RAB11FIP1: variants seen among roughly 807,000 people sequenced by gnomAD.
The protein encoded by RAB11FIP1 is RAB11 family interacting protein 1.
Under a neutral mutation model 83.1 loss-of-function variants are expected in RAB11FIP1, and 49 were observed. The observed-to-expected ratio is 0.59, with a 90% CI of 0.47 to 0.75. The LOEUF (loss-of-function observed/expected upper bound fraction) is 0.75, where lower values mean the gene tolerates loss of function less well. Among genes scored for constraint, RAB11FIP1 ranks in the 30% least tolerant of loss-of-function variants. The pLI, the probability that RAB11FIP1 is intolerant of heterozygous loss-of-function variation, is 0.00. For missense variants in RAB11FIP1, 1,536 were observed against 1,598.7 expected, an observed-to-expected ratio of 0.96 and a Z score of 0.67; for synonymous variants, 670 against 656.0, an observed-to-expected ratio of 1.02 and a Z score of -0.33.
chr8:37,876,302 A>C (rs944250970), intron 2 of RAB11FIP1, among the ~76,000 whole-genome samples: 5 of 151,926 alleles, frequency 3.3e-5, no homozygotes, highest in African/African-American at 1.2e-4. Flanking sequence ...AGAAATAGAG[A>C]GGGCATCTCA....
At chr8:37,879,364 C>A (rs1186618846) in intron 1 of RAB11FIP1, among the ~76,000 whole-genome samples, 1 of 151,892 alleles carries the variant, frequency 6.6e-6, no homozygotes, top group Admixed American at 6.6e-5. Context: ...AAATGACAAA[C>A]ACTATATGAG....
In RAB11FIP1 at chr8:37,873,114, G is replaced by C; in HGVS notation, c.1688C>G (p.Ser563Cys). The change falls in exon 4 of 6, where the codon TCT (serine) becomes TGT (cysteine). Residue 563 changes from serine to cysteine, a missense_variant. Physicochemically the swap from Ser to Cys is moderately radical, Grantham distance 112 (BLOSUM62 -1). Transcript: ENST00000330843. ...RLPSPTDSPSSLPPLPSSSGQ... is the reference protein window; with the variant it reads ...RLPSPTDSPSCLPPLPSSSGQ... ...AGAGCTAGAAGGAAGAGGAGGAAGA[G>C]AGGAAGGGGAGTCAGTAGGGGAAGG... 8 of 1,612,900 alleles carry C rather than the reference G, an allele frequency of 5.0e-6. No homozygotes were observed. Among genetic ancestry groups the C allele is most frequent in the Non-Finnish European group, 6.8e-6 (8 of 1,179,764 alleles).
chr8:37,877,785 T>A, intron 1 of RAB11FIP1: 1 of 386,872 alleles, frequency 2.6e-6, no homozygotes, highest in East Asian at 4.9e-5. Context: ...AATGCCACCA[T>A]CTCGGCTCAC....
chr8:37,880,249 G>A (rs927169917), intron 1 of RAB11FIP1, among the ~76,000 whole-genome samples: 1 of 152,022 alleles, frequency 6.6e-6, no homozygotes, highest in African/African-American at 2.4e-5. Flanking sequence ...GTTGGATCCA[G>A]GAGTTTGAGA....
chr8:37,862,907 T>C lies in RAB11FIP1; in HGVS notation c.3840A>G (p.Ala1280=). The C allele has an allele frequency of 6.2e-7, 1 of 1,610,320 alleles. No homozygotes were observed. Among genetic ancestry groups the C allele is most frequent in the Non-Finnish European group, 8.5e-7 (1 of 1,177,324 alleles). Reference sequence around the variant, plus strand: ...TTTTTCTGCTGATTTACATCTTTCCTGCTTTTTTGCCAACCTGAGTCGGGA... The same window carrying C: ...TTTTTCTGCTGATTTACATCTTTCCCGCTTTTTTGCCAACCTGAGTCGGGA... ...LRIPTQVGKK[A]GKM is the part of the protein sequence containing the mutation. The change falls in exon 6 of 6, where the codon GCA becomes GCG. Residue 1280 remains alanine, a synonymous_variant. Transcript: ENST00000330843.
At chr8:37,882,857 G>A (rs572955663) in intron 1 of RAB11FIP1, among the ~76,000 whole-genome samples, 7 of 152,170 alleles carry the variant, frequency 4.6e-5, no homozygotes, top group East Asian at 1.9e-4. Flanking sequence ...ATCCTCCCTC[G>A]GGACCAATTA....
At chr8:37,894,723 C>CATATATATATATATATAT (rs140765783) in intron 1 of RAB11FIP1, among the ~76,000 whole-genome samples, 6 of 142,044 alleles carry the variant, frequency 4.2e-5, no homozygotes, top group African/African-American at 1.6e-4. Flanking sequence ...TATATATATA[C>CATATATATATATATATAT]ATATATATAT....
intron 2 of RAB11FIP1, 22 bp downstream of exon 2, chr8:37,877,087 G>C: frequency 6.4e-7 from 1 of 1,562,254 alleles, no homozygotes; most frequent in Non-Finnish European, 8.8e-7. Context: ...GAGAGGTCAA[G>C]CAGGAAGAGG....
rs1371073992 is a variant in RAB11FIP1 at position 37,899,196 on chromosome 8, G to A, written c.246C>T (p.Pro82=). ...TGAGCTGCAGGGTGGCGGCGGCCGC[G>A]GGTCCGGAGGACAGCAGCGATGGCA... ...FELPSLLSSG[P]AAAATLQLTV... is the part of the protein sequence containing the mutation. The change falls in exon 1 of 6, where the codon CCC becomes CCT. Residue 82 remains proline (P), a synonymous_variant. Coordinates refer to ENST00000330843, the MANE Select transcript of RAB11FIP1 (RefSeq NM_001002814.3). The surrounding 1 kb of genome is among the most constrained non-coding windows in gnomAD (Gnocchi z 4.5). 1.3e-6 allele frequency: 2 copies of A among 1,567,882 alleles called. No homozygotes were observed. Among genetic ancestry groups the A allele is most frequent in the South Asian group, 1.1e-5 (1 of 87,206 alleles).
chr8:37,861,896 G>T lies in RAB11FIP1; in HGVS notation c.*999C>A, dbSNP rs1806244113. 4 of 234,628 alleles carry T rather than the reference G, an allele frequency of 1.7e-5. No homozygotes were observed. The highest frequency in any genetic ancestry group is 3.4e-5 in the Non-Finnish European group (4 of 116,408). The allele number at this position is 234,628 out of a possible 1,614,324, so 14.5% of individuals were successfully genotyped here. A position where few individuals can be genotyped will look rare whatever the true frequency, so the allele number is the denominator to read the frequency against. ...GAGCCACCACGACTGGCCTGAAGGG[G>T]CTTCTTCATCTTGGGGAGTTGGTGG... On this transcript the variant is annotated 3_prime_UTR_variant, in exon 6 of 6. Transcript: ENST00000330843.
intron 5 of RAB11FIP1, among the ~76,000 whole-genome samples, chr8:37,865,315 CTTT>C (rs11407439): frequency 2.1e-5 from 3 of 142,934 alleles, no homozygotes; most frequent in Non-Finnish European, 4.5e-5. Flanking sequence ...TCCTGGGATT[CTTT>C]TTTTTTTTTT....
Position 37,872,184 on chromosome 8 carries a change from G to A in RAB11FIP1, c.2618C>T (p.Ala873Val), listed in dbSNP as rs750778302. The A allele has an allele frequency of 4.5e-5, 72 of 1,613,980 alleles. No homozygotes were observed. The highest frequency in any genetic ancestry group is 1.0e-4 in the Admixed American group (6 of 60,008). The change falls in exon 4 of 6, where the codon GCG becomes GTG. Residue 873 changes from alanine (A) to valine (V), a missense_variant. Coordinates refer to ENST00000330843, the MANE Select transcript of RAB11FIP1 (RefSeq NM_001002814.3). ...TGGGGAGGCTGGCGCACCACACGTCGCTGGCCCAGGTGTGGTCACCGATTC... is the reference window on the plus strand; with the variant it reads ...TGGGGAGGCTGGCGCACCACACGTCACTGGCCCAGGTGTGGTCACCGATTC... Reference protein sequence around the residue: ...ERESVTTPGPATCGAPASPAD... With the variant: ...ERESVTTPGPVTCGAPASPAD...
At chr8:37,890,295 A>G (rs1306375112) in intron 1 of RAB11FIP1, among the ~76,000 whole-genome samples, 1 of 152,172 alleles carries the variant, frequency 6.6e-6, no homozygotes, top group African/African-American at 2.4e-5. Flanking sequence ...AGAGGCCTTA[A>G]TTGTTCTACC....
intron 1 of RAB11FIP1, among the ~76,000 whole-genome samples, chr8:37,880,976 C>T (rs1806723319): frequency 6.6e-6 from 1 of 152,188 alleles, no homozygotes; most frequent in South Asian, 2.1e-4. Context: ...ATGAGCACAA[C>T]TTCCTCTTTC....
At chr8:37,881,131 C>T (rs1438283054) in intron 1 of RAB11FIP1, among the ~76,000 whole-genome samples, 5 of 152,216 alleles carry the variant, frequency 3.3e-5, no homozygotes, top group Non-Finnish European at 5.9e-5. Context: ...ACACTGCCTA[C>T]GCACAGAGAC....
At chr8:37,871,230 A>C (rs775671412) in intron 4 of RAB11FIP1, 48 bp downstream of exon 4, 26 of 1,541,660 alleles carry the variant, frequency 1.7e-5, no homozygotes, top group Non-Finnish European at 2.3e-5. Context: ...TAGGAAGCAA[A>C]GGGGGACATT....
In RAB11FIP1 at chr8:37,873,024, G is replaced by A. The variant is rs368554585; in HGVS notation, c.1778C>T (p.Ser593Phe). The A allele has an allele frequency of 6.2e-7, 1 of 1,614,114 alleles. No individual in the cohort carries two copies. The highest frequency in any genetic ancestry group is 8.5e-7 in the Non-Finnish European group (1 of 1,179,988). The change falls in exon 4 of 6, where the codon TCT (serine) becomes TTT (phenylalanine). Residue 593 changes from serine (S) to phenylalanine (F), a missense_variant. Coordinates refer to ENST00000330843, the MANE Select transcript of RAB11FIP1 (RefSeq NM_001002814.3). ...GGGAGATGAGAGAGAGGAGAAGACA[G>A]AAGGACTCTCAGAGGACTGTGTGTC... ...GADTQSSESP[S>F]VFSSLSSPIA...
At chr8:37,874,451 C>T (rs1005536740) in intron 3 of RAB11FIP1, 64 bp downstream of exon 3, 13 of 1,309,336 alleles carry the variant, frequency 9.9e-6, no homozygotes, top group Admixed American at 3.6e-5. Flanking sequence ...GCTGGTCTAA[C>T]GTAAGCCTGA....
chr8:37,895,234 TATATATATATATATATATATATATA>T (rs1423075259), intron 1 of RAB11FIP1, among the ~76,000 whole-genome samples: 19 of 7,296 alleles, frequency 2.6e-3, no homozygotes, highest in Non-Finnish European at 4.4e-3. Context: ...TATATATATA[TATATATATATATATATATATATATA>T]TTTTTTTTTT....
Sources: gnomAD v4.1 joint callset for allele counts (sites outside exome capture counted in the v4.1 genomes callset) on GRCh38, gnomAD v4.1.1 for gene constraint, Gnocchi (gnomAD v3.1) non-coding constraint, MANE v1.5 for transcripts, NCBI Gene and HGNC (gene_info 2026-07-23, HGNC 2026-07-21) for gene names.